Variants in PKNOX2 observed in about 807,000 individuals in gnomAD.
The protein encoded by PKNOX2 is PBX/knotted 1 homeobox 2, also known as homeobox protein PKNOX2.
A neutral mutation model predicts 53.1 loss-of-function variants in PKNOX2; 14 were observed. That is an observed-to-expected ratio of 0.26 (90% confidence interval 0.17 to 0.41). PKNOX2 has a LOEUF of 0.41. PKNOX2 is among the 10% of genes least tolerant of loss of function. The probability of loss-of-function intolerance (pLI) is 1.00; values close to 1 mark genes in which losing one functional copy is unlikely to be tolerated. For missense variants in PKNOX2, 496 were observed against 602.8 expected (o/e 0.82, Z 1.85); for synonymous variants, 257 against 242.8 (o/e 1.06, Z -0.54).
intron 8 of PKNOX2, 33 bp from the exon 9 acceptor site, chr11:125,410,746 G>A (rs1430584779): frequency 1.3e-6 from 2 of 1,560,602 alleles, no homozygotes; most frequent in Admixed American, 1.7e-5. Context: ...CCACTCCCAT[G>A]GCAGGGGACC....
chr11:125,301,635 C>T (rs1202403958), intron 2 of PKNOX2, among the ~76,000 whole-genome samples: 2 of 152,046 alleles, frequency 1.3e-5, no homozygotes, highest in Non-Finnish European at 2.9e-5. Context: ...ATTATCTTTC[C>T]TTCTTCCAAA....
intron 1 of PKNOX2, among the ~76,000 whole-genome samples, chr11:125,220,666 G>A (rs574607103): frequency 1.4e-4 from 22 of 152,290 alleles, no homozygotes; most frequent in Middle Eastern, 3.4e-3. Flanking sequence ...CAATTCTCCC[G>A]TCATACCTTG....
chr11:125,249,566 G>T (rs1943841119), intron 2 of PKNOX2, among the ~76,000 whole-genome samples: 1 of 152,078 alleles, frequency 6.6e-6, no homozygotes, highest in Non-Finnish European at 1.5e-5. Flanking sequence ...AGGTATTATG[G>T]GTAATCTGGA....
intron 2 of PKNOX2, among the ~76,000 whole-genome samples, chr11:125,260,572 T>A (rs906141975): frequency 3.3e-5 from 5 of 152,160 alleles, no homozygotes; most frequent in Admixed American, 3.3e-4. Flanking sequence ...GTTTCAGAAG[T>A]TAATTCAAGT....
chr11:125,212,419 C>G (rs1301516201), intron 1 of PKNOX2, among the ~76,000 whole-genome samples: 1 of 148,660 alleles, frequency 6.7e-6, no homozygotes, highest in Admixed American at 6.7e-5. Context: ...CCCGACAGGT[C>G]AACACTGGAC....
chr11:125,419,489 T>A (rs1956061338), intron 10 of PKNOX2, among the ~76,000 whole-genome samples: 6 of 151,156 alleles, frequency 4.0e-5, no homozygotes, highest in Admixed American at 3.9e-4. Flanking sequence ...TTAGGGAGAC[T>A]GGCCCATTTT....
chr11:125,410,846 C>A lies in PKNOX2; in HGVS notation c.786C>A (p.Pro262=), dbSNP rs1294904736. 26 of 1,613,992 alleles carry A rather than the reference C, an allele frequency of 1.6e-5. No individual in the cohort carries two copies. The highest frequency in any genetic ancestry group is 5.3e-5 in the African/African-American group (4 of 74,908). ...SQGQVVTQAI[P]QGAIQIQNTQ... is the part of the protein sequence containing the mutation. ...GTCAGGTGGTCACCCAAGCAATCCC[C>A]CAGGGAGCCATCCAGATCCAGAACA... The change falls in exon 9 of 13, where the codon CCC becomes CCA. Residue 262 remains proline (P), a synonymous_variant. Transcript: ENST00000298282.
At chr11:125,351,423 A>G in intron 4 of PKNOX2, 31 bp downstream of exon 4, 1 of 1,387,964 alleles carries the variant, frequency 7.2e-7, no homozygotes. Context: ...GCCTCCCACC[A>G]CGGGGGAGGG....
intron 1 of PKNOX2, among the ~76,000 whole-genome samples, chr11:125,230,078 G>A (rs77355779): frequency 0.021 from 3,185 of 152,348 alleles, 119 homozygotes; most frequent in African/African-American, 0.072. Context: ...GGCAGGGCCT[G>A]AGGGGTGTCA....
intron 2 of PKNOX2, among the ~76,000 whole-genome samples, chr11:125,298,810 C>CTGTGTGGCACAAG (rs1444661250): frequency 3.9e-5 from 6 of 152,210 alleles, no homozygotes; most frequent in African/African-American, 1.4e-4. Flanking sequence ...TCCGCAACTC[C>CTGTGTGGCACAAG]TGTGGCACAC....
rs879771148 is a variant in PKNOX2 at position 125,240,782 on chromosome 11, T to TG, written c.-130+5673dup. On this transcript the variant is annotated intron_variant, in intron 2 of 12. Transcript: ENST00000298282. This position sits in a 1 kb window ranked among gnomAD's most constrained non-coding sequence, Gnocchi z 4.3. Reference sequence around the variant, plus strand: ...GTGCTGCTCCCAGTATCCTTGGCTGTGGGGGGACTAGTGATGGTGTAGGGT... The same window carrying TG: ...GTGCTGCTCCCAGTATCCTTGGCTGTGGGGGGGACTAGTGATGGTGTAGGGT... Among the ~76,000 whole-genome samples, 51 of 152,248 alleles carry TG rather than the reference T, an allele frequency of 3.3e-4. No individual in the cohort carries two copies. The highest frequency in any genetic ancestry group is 6.0e-4 in the Non-Finnish European group (41 of 68,012).
intron 5 of PKNOX2, among the ~76,000 whole-genome samples, chr11:125,369,032 T>G (rs905035086): frequency 1.3e-5 from 2 of 152,218 alleles, no homozygotes; most frequent in African/African-American, 4.8e-5. Context: ...GACTAATGAA[T>G]AGGAAGATTG....
At chr11:125,334,904 A>G (rs1323409310) in intron 3 of PKNOX2, among the ~76,000 whole-genome samples, 1 of 152,084 alleles carries the variant, frequency 6.6e-6, no homozygotes, top group Non-Finnish European at 1.5e-5. Context: ...GCGCCCAGAC[A>G]CTTAAGTTTT....
chr11:125,391,133 G>C (rs2135416166), intron 6 of PKNOX2, among the ~76,000 whole-genome samples: 1 of 152,326 alleles, frequency 6.6e-6, no homozygotes, highest in South Asian at 2.1e-4. Context: ...AGGAAGGAGA[G>C]GGTGAAAGGA....
intron 9 of PKNOX2, chr11:125,411,501 TCTCTCTCTCC>T: frequency 8.9e-6 from 4 of 451,402 alleles, no homozygotes; most frequent in Admixed American, 3.1e-5. Flanking sequence ...TCTCTCTCTC[TCTCTCTCTCC>T]CCCCCTTCCC....
At chr11:125,360,608 C>T (rs1222033221) in intron 4 of PKNOX2, among the ~76,000 whole-genome samples, 1 of 152,192 alleles carries the variant, frequency 6.6e-6, no homozygotes, top group Admixed American at 6.5e-5. Context: ...CTTGAACTCA[C>T]ACTTGCCTAC....
At chr11:125,383,871 TG>T (rs1285214060) in intron 5 of PKNOX2, among the ~76,000 whole-genome samples, 2 of 152,028 alleles carry the variant, frequency 1.3e-5, no homozygotes, top group Non-Finnish European at 2.9e-5. Flanking sequence ...AGCAGAAGCA[TG>T]GGGGCCAGGT....
Position 125,293,751 on chromosome 11 carries a change from TCACA to T in PKNOX2, c.-129-38062_-129-38059del, listed in dbSNP as rs1474290557. On this transcript the variant is annotated intron_variant, in intron 2 of 12. Coordinates refer to ENST00000298282, the MANE Select transcript of PKNOX2 (RefSeq NM_001382323.2). Reference sequence around the variant, plus strand: ...CACTAACACACACACTCACACACACTCACACACACCCACACTCACATACTGACAC... The same window carrying T: ...CACTAACACACACACTCACACACACTCACACCCACACTCACATACTGACAC... Among the ~76,000 whole-genome samples, 16 of 151,372 alleles carry T rather than the reference TCACA, an allele frequency of 1.1e-4. No individual in the cohort carries two copies. The East Asian group carries it at 2.9e-3, about 28-fold the overall frequency.
chr11:125,324,216 C>T (rs77632093), intron 2 of PKNOX2, among the ~76,000 whole-genome samples: 1 of 152,306 alleles, frequency 6.6e-6, no homozygotes, highest in South Asian at 2.1e-4. Context: ...CCTTTCCCTT[C>T]ACCCCTTAAC....
Sources: gnomAD v4.1 joint callset for allele counts (sites outside exome capture counted in the v4.1 genomes callset) on GRCh38, gnomAD v4.1.1 for gene constraint, Gnocchi (gnomAD v3.1) non-coding constraint, MANE v1.5 for transcripts, NCBI Gene and HGNC (gene_info 2026-07-23, HGNC 2026-07-21) for gene names.